The following OSGEPL1 variants were observed in gnomAD, a reference collection of about 807,000 sequenced individuals.
OSGEPL1 encodes O-sialoglycoprotein endopeptidase like 1.
A neutral mutation model predicts 37.2 loss-of-function variants in OSGEPL1; 26 were observed. The ratio of observed to expected loss-of-function variants is 0.70; its 90% CI spans 0.51 to 0.97. The LOEUF (loss-of-function observed/expected upper bound fraction) is 0.97. OSGEPL1 is among the 50% of genes least tolerant of loss of function. OSGEPL1 has a pLI of 0.00. For synonymous variants in OSGEPL1, 140 were observed against 159.9 expected (o/e 0.88, Z 0.94); for missense variants, 404 against 487.0 (o/e 0.83, Z 1.60).
At chr2:189,747,887 T>G (rs1359159212) in intron 8 of OSGEPL1, among the ~76,000 whole-genome samples, 2 of 152,164 alleles carry the variant, frequency 1.3e-5, no homozygotes. Context: ...GGTTTCACCA[T>G]GTTGGCCAGG....
At chr2:189,747,666 A>G (rs2044354343) in intron 8 of OSGEPL1, among the ~76,000 whole-genome samples, 1 of 152,128 alleles carries the variant, frequency 6.6e-6, no homozygotes, top group Non-Finnish European at 1.5e-5. Context: ...ACCTGGCTTC[A>G]CTGTGTACTT....
In OSGEPL1 at chr2:189,762,671, G is replaced by A. The variant is rs551771803; in HGVS notation, c.-21+14C>T. 2.3e-4 allele frequency: 228 copies of A among 985,280 alleles called. No individual in the cohort carries two copies. Among genetic ancestry groups the A allele is most frequent in the Non-Finnish European group, 2.6e-4 (216 of 829,952 alleles). 61.0% of individuals were successfully genotyped at this position (985,280 alleles called of 1,614,324 possible). On this transcript the variant is annotated intron_variant, in intron 1 of 8. Transcript: ENST00000264151. ...AAAGCGTCAGTGGGGTGAAGAGTGA[G>A]CAATTTCACCCACCTTCCACTTGGG...
Position 189,755,362 on chromosome 2 carries a change from CT to C in OSGEPL1, c.419del (p.Lys140SerfsTer18). ...CCATATGATGAATGGGAATGAATGGCTTTTTTAACTGTCCTACCAGCTGTAA... is the reference window on the plus strand; with the variant it reads ...CCATATGATGAATGGGAATGAATGGCTTTTTAACTGTCCTACCAGCTGTAA... ...FSLQLVGQLK[K>X]PFIPIHHMEA... On this transcript the variant is annotated frameshift_variant, in exon 3 of 9. Coordinates refer to ENST00000264151, the MANE Select transcript of OSGEPL1 (RefSeq NM_022353.3). LOFTEE classifies it high-confidence loss of function. 1.2e-6 allele frequency: 2 copies of C among 1,613,530 alleles called. No individual in the cohort carries two copies. The highest frequency in any genetic ancestry group is 1.7e-6 in the Non-Finnish European group (2 of 1,179,710).
At chr2:189,749,228 A>T (rs1007747075) in intron 8 of OSGEPL1, among the ~76,000 whole-genome samples, 1 of 141,474 alleles carries the variant, frequency 7.1e-6, no homozygotes, top group Non-Finnish European at 1.5e-5. Context: ...TCTGGACAAC[A>T]GAGCGAGACT....
chr2:189,756,507 T>G (rs1053471182), intron 2 of OSGEPL1, among the ~76,000 whole-genome samples: 3 of 152,232 alleles, frequency 2.0e-5, no homozygotes, highest in African/African-American at 7.2e-5. Flanking sequence ...GAATATTTGC[T>G]GAGTAATTAA....
chr2:189,755,575 G>A lies in OSGEPL1; in HGVS notation c.222-15C>T, dbSNP rs757571698. On this transcript the variant is annotated splice_polypyrimidine_tract_variant and intron_variant, in intron 2 of 8. Transcript: ENST00000264151. ...TCCCACCTGTTCTGAAAGAAAGAAA[G>A]ACAGCATTTTGTAGTTTTAAGATTG... 1 of 1,573,126 alleles carries A rather than the reference G, an allele frequency of 6.4e-7. No homozygotes were observed. Among genetic ancestry groups the A allele is most frequent in the Non-Finnish European group, 8.5e-7 (1 of 1,169,760 alleles).
rs2044206664 is a variant in OSGEPL1, at chr2:189,746,670, A to C, written c.*527T>G. The C allele has an allele frequency of 1.3e-6, 2 of 1,529,822 alleles. No homozygotes were observed. The highest frequency in any genetic ancestry group is 2.3e-5 in the Admixed American group (1 of 42,890). The allele number at this position is 1,529,822 out of a possible 1,614,324, so 94.8% of individuals were successfully genotyped here. On this transcript the variant is annotated 3_prime_UTR_variant, in exon 9 of 9. Coordinates refer to ENST00000264151, the MANE Select transcript of OSGEPL1 (RefSeq NM_022353.3). ...AAAGGATTCCTGAGCCATCTTTTAAAAATTTTTTTATTTTTAATAATGGTA... is the reference window on the plus strand; with the variant it reads ...AAAGGATTCCTGAGCCATCTTTTAACAATTTTTTTATTTTTAATAATGGTA...
chr2:189,757,608 C>T (rs1395559873), intron 2 of OSGEPL1, among the ~76,000 whole-genome samples: 1 of 152,184 alleles, frequency 6.6e-6, no homozygotes, highest in African/African-American at 2.4e-5. Context: ...AAAAACTGTG[C>T]ACAGTATCAA....
At chr2:189,758,115 G>C (rs546255857) in intron 2 of OSGEPL1, among the ~76,000 whole-genome samples, 8 of 152,268 alleles carry the variant, frequency 5.3e-5, no homozygotes, top group Admixed American at 2.6e-4. Context: ...GGGAGTGGTG[G>C]TTCACGCCTG....
chr2:189,750,530 A>C lies in OSGEPL1; in HGVS notation c.*28+20T>G. 1 of 958,704 alleles carries C rather than the reference A, an allele frequency of 1.0e-6. No individual in the cohort carries two copies. Among genetic ancestry groups the C allele is most frequent in the Non-Finnish European group, 1.6e-6 (1 of 626,438 alleles). 59.4% of individuals were successfully genotyped at this position (958,704 alleles called of 1,614,324 possible). ...TTGATACACAAAACAATAAAAACTT[A>C]ATTTTAACCTTAATACTACCTTTAG... On this transcript the variant is annotated intron_variant, in intron 8 of 8. Coordinates refer to ENST00000264151, the MANE Select transcript of OSGEPL1 (RefSeq NM_022353.3).
chr2:189,755,210 T>A lies in OSGEPL1; in HGVS notation c.572A>T (p.Lys191Met). 1 of 1,611,860 alleles carries A rather than the reference T, an allele frequency of 6.2e-7. No homozygotes were observed. The highest frequency in any genetic ancestry group is 1.1e-5 in the South Asian group (1 of 90,628). Reference sequence around the variant, plus strand: ...GTCACCTGGTGCTATGTCCAAAGACTTTCCAAGAAGCAGAAAATCTGAAAC... The same window carrying A: ...GTCACCTGGTGCTATGTCCAAAGACATTCCAAGAAGCAGAAAATCTGAAAC... ...QGVSDFLLLG[K>M]SLDIAPGDML... The change falls in exon 3 of 9, where the codon AAG becomes ATG. Residue 191 changes from lysine to methionine, a missense_variant. Transcript: ENST00000264151.
In OSGEPL1 at chr2:189,755,001, T is replaced by A. The variant is rs991988369; in HGVS notation, c.609+172A>T. On this transcript the variant is annotated intron_variant, in intron 3 of 8. Coordinates refer to ENST00000264151, the MANE Select transcript of OSGEPL1 (RefSeq NM_022353.3). ...CCATTTTATTAAGAAAGGCTAAGAA[T>A]TATAAAATTGTGTACTACTCTTTCT... 1.4e-5 allele frequency: 10 copies of A among 710,640 alleles called. No homozygotes were observed. The African/African-American group carries it at 1.6e-4, about 12-fold the overall frequency. The allele number at this position is 710,640 out of a possible 1,614,324, so 44.0% of individuals were successfully genotyped here. A position where few individuals can be genotyped will look rare whatever the true frequency, so the allele number is the denominator to read the frequency against.
At chr2:189,759,305 A>G (rs1229201421) in intron 2 of OSGEPL1, among the ~76,000 whole-genome samples, 1 of 151,820 alleles carries the variant, frequency 6.6e-6, no homozygotes, top group African/African-American at 2.4e-5. Context: ...CTGGAGTCCA[A>G]TGGCGCGATC....
At chr2:189,756,829 T>A (rs2046162150) in intron 2 of OSGEPL1, among the ~76,000 whole-genome samples, 1 of 152,202 alleles carries the variant, frequency 6.6e-6, no homozygotes, top group Non-Finnish European at 1.5e-5. Context: ...CATCCTATAT[T>A]GCTGCCAGAG....
rs1559169476 is a variant in OSGEPL1 at position 189,755,445 on chromosome 2, C to G, written c.337G>C (p.Ala113Pro). The change falls in exon 3 of 9, where the codon GCA (alanine) becomes CCA (proline). Residue 113 changes from alanine (A) to proline (P), a missense_variant. Physicochemically the swap from Ala to Pro is conservative, Grantham distance 27. Coordinates refer to ENST00000264151, the MANE Select transcript of OSGEPL1 (RefSeq NM_022353.3). ...GCAAGTCCTGGTTTTATGGTAGTTGCAATTGCTGAGAGGTCACTTGGAGAG... is the reference window on the plus strand; with the variant it reads ...GCAAGTCCTGGTTTTATGGTAGTTGGAATTGCTGAGAGGTCACTTGGAGAG... ...GVSPSDLSAI[A>P]TTIKPGLALS... 2 of 1,607,470 alleles carry G rather than the reference C, an allele frequency of 1.2e-6. No individual in the cohort carries two copies. Among genetic ancestry groups the G allele is most frequent in the South Asian group, 1.1e-5 (1 of 89,864 alleles).
intron 5 of OSGEPL1, chr2:189,753,200 C>T (rs1364372329): frequency 3.2e-6 from 1 of 307,696 alleles, no homozygotes; most frequent in African/African-American, 2.2e-5. Context: ...TGTATATTTT[C>T]TTCCAACCTT....
intron 3 of OSGEPL1, 104 bp downstream of exon 3, chr2:189,755,069 T>C (rs1169131381): frequency 1.5e-6 from 2 of 1,375,846 alleles, no homozygotes; most frequent in East Asian, 2.4e-5. Context: ...TTTACTAAGA[T>C]AAAATTCAGA....
chr2:189,761,510 G>A lies in OSGEPL1; in HGVS notation c.131C>T (p.Thr44Ile), dbSNP rs2047063778. 9 of 1,612,960 alleles carry A rather than the reference G, an allele frequency of 5.6e-6. No individual in the cohort carries two copies. The East Asian group carries it at 2.0e-4, about 36-fold the overall frequency. Reference sequence around the variant, plus strand: ...AGCAGCTGCTGTATCATCACAACTAGTTTCAATTCCCAATACTATTTTATG... The same window carrying A: ...AGCAGCTGCTGTATCATCACAACTAATTTCAATTCCCAATACTATTTTATG... The part of the protein sequence containing the change: ...FLHKIVLGIE[T>I]SCDDTAAAVV... Residue 44 changes from threonine (T) to isoleucine (I), a missense_variant, in exon 2 of 9, where the codon ACT becomes ATT. Thr to Ile is a moderately conservative substitution (Grantham distance 89). Coordinates refer to ENST00000264151, the MANE Select transcript of OSGEPL1 (RefSeq NM_022353.3).
chr2:189,751,775 AAC>A (rs2045288608), intron 7 of OSGEPL1, among the ~76,000 whole-genome samples: 1 of 151,982 alleles, frequency 6.6e-6, no homozygotes, highest in Non-Finnish European at 1.5e-5. Flanking sequence ...CATCAGATGA[AAC>A]AGTGTTCAAA....
Sources: gnomAD v4.1 joint callset for allele counts (sites outside exome capture counted in the v4.1 genomes callset) on GRCh38, gnomAD v4.1.1 for gene constraint, MANE v1.5 for transcripts, NCBI Gene and HGNC (gene_info 2026-07-23, HGNC 2026-07-21) for gene names.